DLGAP4: variants seen among roughly 807,000 people sequenced by gnomAD.
The protein encoded by DLGAP4 is disks large-associated protein 4.
A neutral mutation model predicts 86.9 loss-of-function variants in DLGAP4; 18 were observed. That is an observed-to-expected ratio of 0.21 (90% CI 0.14 to 0.31). The LOEUF (loss-of-function observed/expected upper bound fraction) is 0.31. Among genes scored for constraint, DLGAP4 ranks in the 10% least tolerant of loss-of-function variants. The pLI is 1.00. For missense variants in DLGAP4, 1,085 were observed against 1,362.6 expected (o/e 0.80, Z 3.21); for synonymous variants, 548 against 574.3 (o/e 0.95, Z 0.65).
At chr20:36,497,200 A>G (rs1434338275) in intron 8 of DLGAP4, 134 bp downstream of exon 8, 1 of 1,458,622 alleles carries the variant, frequency 6.9e-7, no homozygotes, top group Non-Finnish European at 9.0e-7. Flanking sequence ...GATCAGCCCC[A>G]AGTGGCCAAA....
chr20:36,455,277 A>C (rs1441842139), intron 7 of DLGAP4, among the ~76,000 whole-genome samples: 39 of 129,328 alleles, frequency 3.0e-4, no homozygotes, highest in African/African-American at 5.1e-4. Context: ...TCTCCCTCCC[A>C]CCCTCTCTGC....
At chr20:36,521,081 A>G (rs531003160) in intron 10 of DLGAP4, among the ~76,000 whole-genome samples, 1 of 152,282 alleles carries the variant, frequency 6.6e-6, no homozygotes, top group East Asian at 1.9e-4. Context: ...TGGCCTCCCA[A>G]AGTGCTGGGA....
intron 10 of DLGAP4, among the ~76,000 whole-genome samples, chr20:36,517,228 A>C (rs558726783): frequency 6.6e-6 from 1 of 151,970 alleles, no homozygotes; most frequent in East Asian, 2.0e-4. Context: ...AAAATATAAA[A>C]ATCAGCCAGG....
chr20:36,401,413 C>A (rs945238704), intron 2 of DLGAP4, among the ~76,000 whole-genome samples: 2 of 152,198 alleles, frequency 1.3e-5, no homozygotes, highest in East Asian at 3.9e-4. Context: ...GAGAGGGGAG[C>A]CCCCAGTCTT....
intron 2 of DLGAP4, among the ~76,000 whole-genome samples, chr20:36,394,597 C>T (rs552727318): frequency 1.6e-3 from 237 of 152,290 alleles, no homozygotes; most frequent in African/African-American, 5.3e-3. Context: ...CACGAGCCTC[C>T]GTGAGTAATT....
intron 2 of DLGAP4, among the ~76,000 whole-genome samples, chr20:36,395,746 G>T (rs1427221787): frequency 1.3e-5 from 2 of 152,076 alleles, no homozygotes; most frequent in African/African-American, 4.8e-5. Flanking sequence ...TGATCCGCCC[G>T]CCTCGGCCTC....
At chr20:36,340,361 G>A (rs2065366262) in intron 1 of DLGAP4, among the ~76,000 whole-genome samples, 1 of 152,104 alleles carries the variant, frequency 6.6e-6, no homozygotes, top group South Asian at 2.1e-4. Context: ...AGGCTGCCCG[G>A]CCCCATGCTG....
At chr20:36,409,069 T>G (rs2032410347) in intron 2 of DLGAP4, among the ~76,000 whole-genome samples, 1 of 130,394 alleles carries the variant, frequency 7.7e-6, no homozygotes, top group South Asian at 2.5e-4. Flanking sequence ...AGAGTCTCGC[T>G]CTGTCACCCA....
At chr20:36,363,674 C>T (rs560491523) in intron 1 of DLGAP4, among the ~76,000 whole-genome samples, 30 of 152,308 alleles carry the variant, frequency 2.0e-4, no homozygotes, top group Non-Finnish European at 3.1e-4. Flanking sequence ...CTCTGAATCC[C>T]TGGCTACCCT....
chr20:36,462,274 C>G (rs747612310), intron 7 of DLGAP4: 5 of 1,293,204 alleles, frequency 3.9e-6, no homozygotes, highest in Non-Finnish European at 4.9e-6. Flanking sequence ...TCCCCTGTCG[C>G]TGTCTCTCCT....
intron 10 of DLGAP4, among the ~76,000 whole-genome samples, chr20:36,517,091 A>G (rs1213221559): frequency 6.6e-6 from 1 of 151,244 alleles, no homozygotes; most frequent in Admixed American, 6.6e-5. Flanking sequence ...AAAAAAAGAA[A>G]GAAAAGGCTG....
At chr20:36,438,876 C>T (rs1275761128) in intron 4 of DLGAP4, among the ~76,000 whole-genome samples, 1 of 152,018 alleles carries the variant, frequency 6.6e-6, no homozygotes. Context: ...GCCTCAGCCT[C>T]CCAAATTGCT....
intron 10 of DLGAP4, among the ~76,000 whole-genome samples, chr20:36,514,421 G>T (rs950096097): frequency 2.6e-5 from 4 of 152,110 alleles, no homozygotes; most frequent in African/African-American, 9.7e-5. Context: ...TGTTGTTGCT[G>T]TTGTTTTGAG....
intron 1 of DLGAP4, among the ~76,000 whole-genome samples, chr20:36,349,056 T>C (rs563954507): frequency 1.6e-5 from 2 of 123,280 alleles, no homozygotes; most frequent in African/African-American, 3.3e-5. Context: ...TGAGCCAAGA[T>C]TGAGCCACTG....
chr20:36,406,984 C>T (rs527685039), intron 2 of DLGAP4, among the ~76,000 whole-genome samples: 6 of 152,094 alleles, frequency 3.9e-5, no homozygotes, highest in East Asian at 1.9e-4. Context: ...TAGGGGACAG[C>T]GGGAAGCCTG....
intron 2 of DLGAP4, among the ~76,000 whole-genome samples, chr20:36,410,375 G>A (rs2032464513): frequency 6.6e-6 from 1 of 152,154 alleles, no homozygotes; most frequent in Non-Finnish European, 1.5e-5. Flanking sequence ...TGGAGAATAC[G>A]GACCCCAACT....
chr20:36,516,817 G>A (rs951853390), intron 10 of DLGAP4, among the ~76,000 whole-genome samples: 6 of 151,936 alleles, frequency 3.9e-5, no homozygotes, highest in East Asian at 2.0e-4. Flanking sequence ...ATGGCTGGGC[G>A]TAGTGGCTTA....
intron 2 of DLGAP4, among the ~76,000 whole-genome samples, chr20:36,426,230 G>C (rs2032969487): frequency 6.6e-6 from 1 of 152,122 alleles, no homozygotes; most frequent in Non-Finnish European, 1.5e-5. Context: ...ATATTACTAG[G>C]GGCCGCCAGG....
intron 7 of DLGAP4, chr20:36,492,939 C>G (rs1316370026): frequency 3.3e-5 from 5 of 152,102 alleles, no homozygotes; most frequent in Non-Finnish European, 5.9e-5. Context: ...TCTAAACAAA[C>G]GTCCAGGTCT....
Sources: allele counts gnomAD v4.1 joint callset (sites outside exome capture counted in the v4.1 genomes callset), GRCh38; gene constraint gnomAD v4.1.1; transcripts MANE v1.5; gene names NCBI Gene and HGNC (gene_info 2026-07-23, HGNC 2026-07-21).